The following ADGB variants were observed in gnomAD, a reference collection of about 807,000 sequenced individuals.
The protein encoded by ADGB is calpain-7-like protein.
A neutral mutation model predicts 210.5 loss-of-function variants in ADGB; 172 were observed. The observed-to-expected ratio is 0.82, with a 90% CI of 0.72 to 0.93. ADGB has a LOEUF of 0.93. Among genes scored for constraint, ADGB ranks in the 40% least tolerant of loss-of-function variants. The pLI is 0.00. For synonymous variants in ADGB, 658 were observed against 662.7 expected, an observed-to-expected ratio of 0.99 and a Z score of 0.11; for missense variants, 2,025 against 1,964.8, an observed-to-expected ratio of 1.03 and a Z score of -0.58.
In ADGB at chr6:146,745,905, A is replaced by G; in HGVS notation, c.3178-17A>G. 1 of 1,524,364 alleles carries G rather than the reference A, an allele frequency of 6.6e-7. No homozygotes were observed. The allele number at this position is 1,524,364 out of a possible 1,614,324, so 94.4% of individuals were successfully genotyped here. ...TAACGACATAATTCATTTCTGTGTA[A>G]TTTGTCTTTCTTATAGAAGGGATAC... On this transcript the variant is annotated splice_polypyrimidine_tract_variant and intron_variant, in intron 25 of 35. Coordinates refer to ENST00000397944, the MANE Select transcript of ADGB (RefSeq NM_024694.4).
intron 32 of ADGB, among the ~76,000 whole-genome samples, chr6:146,787,704 TTTCCTA>T: frequency 6.7e-6 from 1 of 148,982 alleles, no homozygotes; most frequent in Middle Eastern, 3.4e-3. Context: ...TCTTAAGTAC[TTTCCTA>T]TTGCCACCTT....
intron 9 of ADGB, among the ~76,000 whole-genome samples, chr6:146,684,604 C>T (rs775948560): frequency 6.6e-6 from 1 of 152,060 alleles, no homozygotes; most frequent in East Asian, 1.9e-4. Context: ...CATCCTTAAA[C>T]TTAAGATGAT....
intron 35 of ADGB, among the ~76,000 whole-genome samples, chr6:146,809,293 GCCTC>G (rs1778264570): frequency 6.6e-6 from 1 of 152,140 alleles, no homozygotes; most frequent in Non-Finnish European, 1.5e-5. Context: ...GCAAACCTCC[GCCTC>G]CTGAGTTCAA....
At chr6:146,747,984 T>C (rs1777266632) in intron 26 of ADGB, among the ~76,000 whole-genome samples, 2 of 151,944 alleles carry the variant, frequency 1.3e-5, no homozygotes, top group South Asian at 2.1e-4. Context: ...GGTCTCACCA[T>C]GTTGTCCAGG....
chr6:146,677,245 G>A (rs973712171), intron 9 of ADGB, among the ~76,000 whole-genome samples: 6 of 152,120 alleles, frequency 3.9e-5, no homozygotes, highest in African/African-American at 9.7e-5. Flanking sequence ...AGGTTATCAG[G>A]AGGAAGACTA....
At chr6:146,728,435 G>C (rs374687239) in intron 19 of ADGB, 139 bp from the exon 20 acceptor site, 1 of 912,480 alleles carries the variant, frequency 1.1e-6, no homozygotes, top group Non-Finnish European at 1.6e-6. Flanking sequence ...ATTTAGTAAA[G>C]CTACCTTGAT....
At chr6:146,809,253 T>G (rs530018580) in intron 35 of ADGB, among the ~76,000 whole-genome samples, 74 of 152,318 alleles carry the variant, frequency 4.9e-4, no homozygotes, top group Middle Eastern at 3.4e-3. Context: ...TTGCCTAGGC[T>G]AGAGTGCAAT....
intron 26 of ADGB, among the ~76,000 whole-genome samples, chr6:146,749,640 A>G (rs778210597): frequency 2.0e-4 from 31 of 152,154 alleles, no homozygotes; most frequent in Non-Finnish European, 4.0e-4. Flanking sequence ...CTGGTGTGTT[A>G]GTCCGTTCTC....
intron 33 of ADGB, among the ~76,000 whole-genome samples, chr6:146,793,083 C>T (rs1309708661): frequency 1.3e-5 from 2 of 152,078 alleles, no homozygotes; most frequent in East Asian, 3.9e-4. Context: ...AGCTTTTATT[C>T]CATTATTTGT....
chr6:146,757,149 T>C (rs1033714495), intron 27 of ADGB, among the ~76,000 whole-genome samples: 2 of 152,078 alleles, frequency 1.3e-5, no homozygotes, highest in African/African-American at 4.8e-5. Context: ...TTATAAAACA[T>C]ATTTACTTTT....
At chr6:146,609,838 T>C (rs1780681453) in intron 1 of ADGB, among the ~76,000 whole-genome samples, 1 of 152,208 alleles carries the variant, frequency 6.6e-6, no homozygotes, top group Non-Finnish European at 1.5e-5. Context: ...GGATTCCCTT[T>C]TGGCAGTGAA....
chr6:146,706,621 G>C (rs1411070367), intron 13 of ADGB, among the ~76,000 whole-genome samples: 9 of 151,798 alleles, frequency 5.9e-5, no homozygotes, highest in Admixed American at 5.9e-4. Flanking sequence ...ATTCAGTCTT[G>C]GTAACTTGTA....
intron 33 of ADGB, among the ~76,000 whole-genome samples, chr6:146,798,547 C>T (rs1048951790): frequency 2.6e-5 from 4 of 152,072 alleles, no homozygotes; most frequent in African/African-American, 9.7e-5. Context: ...CACTTACATT[C>T]CACATTTTAA....
intron 23 of ADGB, among the ~76,000 whole-genome samples, chr6:146,740,170 T>A (rs1380052719): frequency 6.6e-6 from 1 of 152,200 alleles, no homozygotes; most frequent in East Asian, 1.9e-4. Context: ...TGGTTCTGGT[T>A]TTCCCCCTGT....
Position 146,664,178 on chromosome 6 carries a change from C to T in ADGB, c.613-23C>T, listed in dbSNP as rs896503228. On this transcript the variant is annotated intron_variant, in intron 5 of 35. Coordinates refer to ENST00000397944, the MANE Select transcript of ADGB (RefSeq NM_024694.4). ...AGACTGTAAGCCATTGATGGTATTA[C>T]ATTTCTTTCATCTTATTTTTAGGGT... 18 of 1,535,534 alleles carry T rather than the reference C, an allele frequency of 1.2e-5. 1 individual carries two copies. In the Admixed American group the frequency reaches 2.6e-4, roughly 22 times the overall value.
chr6:146,779,230 T>G (rs1032978930), intron 29 of ADGB, among the ~76,000 whole-genome samples: 1 of 152,212 alleles, frequency 6.6e-6, no homozygotes, highest in African/African-American at 2.4e-5. Flanking sequence ...TCAAAACTAC[T>G]GATTGTGCAG....
rs1289592022 is a variant in ADGB at position 146,716,978 on chromosome 6, C to T, written c.1837C>T (p.Gln613Ter). ...REIVSQTTAT[Q>*]EKSQEELPTT... The stretch of plus-strand genomic sequence containing the variant: ...GATAGTCAGCCAGACCACAGCAACA[C>T]AGGAAAAGTCACAGGAAGAACTTCC... Residue 613 changes from glutamine (Q) to a stop codon, truncating the protein, a stop_gained, in exon 15 of 36, where the codon CAG becomes TAG. Coordinates refer to ENST00000397944, the MANE Select transcript of ADGB (RefSeq NM_024694.4). LOFTEE classifies it high-confidence loss of function. 2 of 1,551,540 alleles carry T rather than the reference C, an allele frequency of 1.3e-6. No homozygotes were observed. Among genetic ancestry groups the T allele is most frequent in the South Asian group, 1.2e-5 (1 of 84,048 alleles).
intron 33 of ADGB, among the ~76,000 whole-genome samples, chr6:146,793,299 A>G (rs1777979567): frequency 1.3e-5 from 2 of 152,150 alleles, no homozygotes; most frequent in South Asian, 4.1e-4. Context: ...ATCCTCTTGT[A>G]AGACAGAAAA....
At chr6:146,643,950 A>G (rs1172298684) in intron 2 of ADGB, among the ~76,000 whole-genome samples, 2 of 151,910 alleles carry the variant, frequency 1.3e-5, no homozygotes, top group Non-Finnish European at 2.9e-5. Context: ...GATTTCATCT[A>G]TGTAACATTA....
Sources: allele counts gnomAD v4.1 joint callset (sites outside exome capture counted in the v4.1 genomes callset), GRCh38; gene constraint gnomAD v4.1.1; transcripts MANE v1.5; gene names NCBI Gene and HGNC (gene_info 2026-07-23, HGNC 2026-07-21).